Variants in NMBR observed in about 807,000 individuals in gnomAD.
The protein encoded by NMBR is neuromedin B receptor.
Under a neutral mutation model 20.5 loss-of-function variants are expected in NMBR, and 16 were observed. The ratio of observed to expected loss-of-function variants is 0.78; its 90% CI spans 0.53 to 1.19. NMBR has a LOEUF of 1.19. Among genes scored for constraint, NMBR ranks in the 50% most tolerant of loss-of-function variants. The pLI is 0.00. For synonymous variants in NMBR, 212 were observed against 196.6 expected (o/e 1.08, Z -0.65); for missense variants, 582 against 499.1 (o/e 1.17, Z -1.58).
chr6:142,084,475 A>C (rs1430669203), intron 2 of NMBR, among the ~76,000 whole-genome samples: 2 of 152,174 alleles, frequency 1.3e-5, no homozygotes, highest in African/African-American at 4.8e-5. Context: ...ACATTAAACT[A>C]ATATTAGTTT....
chr6:142,121,383 A>G (rs1777941751), intron 1 of NMBR, among the ~76,000 whole-genome samples: 2 of 152,020 alleles, frequency 1.3e-5, no homozygotes, highest in Admixed American at 6.6e-5. Context: ...AGCTTAGTGA[A>G]GAAAGCATGA....
chr6:142,144,647 C>G (rs1778402504), intron 1 of NMBR, among the ~76,000 whole-genome samples: 1 of 152,124 alleles, frequency 6.6e-6, no homozygotes, highest in Non-Finnish European at 1.5e-5. Flanking sequence ...AAAAAGCAAC[C>G]TCACAGTCAT....
intron 1 of NMBR, chr6:142,134,402 C>A (rs1778207677): frequency 2.2e-6 from 1 of 451,732 alleles, no homozygotes; most frequent in Non-Finnish European, 3.9e-6. Flanking sequence ...TATTAAGACA[C>A]ATATAAGATT....
At chr6:142,136,632 T>C (rs1778262789) in intron 1 of NMBR, among the ~76,000 whole-genome samples, 1 of 151,996 alleles carries the variant, frequency 6.6e-6, no homozygotes, top group African/African-American at 2.4e-5. Flanking sequence ...GTTTTAGGTC[T>C]AACATTTAAG....
chr6:142,120,805 C>T (rs531989108), intron 1 of NMBR, among the ~76,000 whole-genome samples: 1 of 151,948 alleles, frequency 6.6e-6, no homozygotes, highest in Non-Finnish European at 1.5e-5. Flanking sequence ...AGAACAAATT[C>T]TAACATTATT....
chr6:142,098,693 A>G (rs1732508322), intron 1 of NMBR, among the ~76,000 whole-genome samples: 1 of 152,176 alleles, frequency 6.6e-6, no homozygotes, highest in Non-Finnish European at 1.5e-5. Flanking sequence ...AAGATATTCC[A>G]TATTCATGGA....
chr6:142,098,092 GACAGAAGAAAAAAAGA>G (rs1777494742), intron 1 of NMBR, among the ~76,000 whole-genome samples: 1 of 151,628 alleles, frequency 6.6e-6, no homozygotes. Context: ...ATCTCCAAAG[GACAGAAGAAAAAAAGA>G]ACAGAAGAAA....
chr6:142,127,720 T>A (rs1351000765), intron 1 of NMBR, among the ~76,000 whole-genome samples: 1 of 152,018 alleles, frequency 6.6e-6, no homozygotes, highest in African/African-American at 2.4e-5. Context: ...AGTTAATTCC[T>A]GAGTATTTTT....
In NMBR at chr6:142,083,316, CT is replaced by C. The variant is rs528352275; in HGVS notation, c.423-4414del. On this transcript the variant is annotated intron_variant, in intron 2 of 3. Transcript: ENST00000258042. Reference sequence around the variant, plus strand: ...AATTGGTTATGGAAAGCAAATTTTTCTTTTTGAAAAGGCTACGAGAAAGCTC... The same window carrying C: ...AATTGGTTATGGAAAGCAAATTTTTCTTTTGAAAAGGCTACGAGAAAGCTC... Among the ~76,000 whole-genome samples, 476 of 152,212 alleles carry C rather than the reference CT, an allele frequency of 3.1e-3. 3 individuals carry two copies. In the Middle Eastern group the frequency reaches 0.041, roughly 13 times the overall value.
chr6:142,093,529 C>A (rs1193013006), intron 1 of NMBR, among the ~76,000 whole-genome samples: 1 of 151,852 alleles, frequency 6.6e-6, no homozygotes, highest in Non-Finnish European at 1.5e-5. Context: ...ATATGTGCCA[C>A]ATTTTCTTAA....
chr6:142,083,716 T>C (rs1777145032), intron 2 of NMBR, among the ~76,000 whole-genome samples: 1 of 152,150 alleles, frequency 6.6e-6, no homozygotes, highest in Non-Finnish European at 1.5e-5. Context: ...TGTGAAGACA[T>C]GCTTGCTTCC....
chr6:142,115,470 G>C (rs1388698671), intron 1 of NMBR, among the ~76,000 whole-genome samples: 1 of 152,038 alleles, frequency 6.6e-6, no homozygotes, highest in Non-Finnish European at 1.5e-5. Flanking sequence ...GCTAAGTTAA[G>C]GTGTGTAGTC....
At chr6:142,105,886 T>G (rs1777654263) in intron 1 of NMBR, among the ~76,000 whole-genome samples, 1 of 152,174 alleles carries the variant, frequency 6.6e-6, no homozygotes, top group South Asian at 2.1e-4. Context: ...TTCTATAGCA[T>G]TTAAAAGTAG....
intron 2 of NMBR, among the ~76,000 whole-genome samples, chr6:142,080,281 A>AT (rs1487153391): frequency 7.4e-6 from 1 of 134,486 alleles, no homozygotes; most frequent in Non-Finnish European, 1.6e-5. Flanking sequence ...TCCTATTCCT[A>AT]TGTTATATGT....
At chr6:142,087,005 A>G (rs1370640509) in intron 2 of NMBR, among the ~76,000 whole-genome samples, 1 of 152,190 alleles carries the variant, frequency 6.6e-6, no homozygotes, top group Non-Finnish European at 1.5e-5. Flanking sequence ...GAATTCAGAG[A>G]AAGTATTTTA....
At chr6:142,131,051 T>A (rs1778132699) in intron 1 of NMBR, among the ~76,000 whole-genome samples, 1 of 152,176 alleles carries the variant, frequency 6.6e-6, no homozygotes, top group Non-Finnish European at 1.5e-5. Flanking sequence ...TCTACTGTAG[T>A]CATCCTATTC....
chr6:142,123,506 T>C (rs1777980890), intron 1 of NMBR, among the ~76,000 whole-genome samples: 1 of 151,930 alleles, frequency 6.6e-6, no homozygotes, highest in Non-Finnish European at 1.5e-5. Context: ...GTGGGTAAAA[T>C]ACTGTCAAAA....
chr6:142,125,447 A>C (rs1778013673), intron 1 of NMBR, among the ~76,000 whole-genome samples: 1 of 152,030 alleles, frequency 6.6e-6, no homozygotes, highest in Admixed American at 6.6e-5. Context: ...ATGTGCATGC[A>C]TATACACATA....
At chr6:142,139,635 T>C (rs1278593662) in intron 1 of NMBR, among the ~76,000 whole-genome samples, 1 of 152,174 alleles carries the variant, frequency 6.6e-6, no homozygotes, top group East Asian at 1.9e-4. Context: ...AAACTTTGCT[T>C]CCCTCTACTT....
Sources: gnomAD v4.1 joint callset for allele counts (sites outside exome capture counted in the v4.1 genomes callset) on GRCh38, gnomAD v4.1.1 for gene constraint, MANE v1.5 for transcripts, NCBI Gene and HGNC (gene_info 2026-07-23, HGNC 2026-07-21) for gene names.